Variants in SRD5A2 observed in about 807,000 individuals in gnomAD.
SRD5A2 encodes 3-oxo-5-alpha-steroid 4-dehydrogenase 2.
In SRD5A2, 30 loss-of-function variants were observed where a neutral mutation model predicts 27.4. That is an observed-to-expected ratio of 1.10 (90% CI 0.82 to 1.49). The LOEUF (loss-of-function observed/expected upper bound fraction) is 1.49. Ranked by LOEUF, SRD5A2 falls within the 40% of genes most tolerant of loss-of-function variation. SRD5A2 has a pLI of 0.00. For synonymous variants in SRD5A2, 141 were observed against 133.6 expected, an observed-to-expected ratio of 1.06 and a Z score of -0.38; for missense variants, 348 against 323.4, an observed-to-expected ratio of 1.08 and a Z score of -0.58.
At chr2:31,528,064 A>G (rs1487381276) in intron 4 of SRD5A2, among the ~76,000 whole-genome samples, 1 of 152,184 alleles carries the variant, frequency 6.6e-6, no homozygotes, top group African/African-American at 2.4e-5. Flanking sequence ...CACTTCCAGC[A>G]ATACTTTTAG....
the SRD5A2 span, among the ~76,000 whole-genome samples, chr2:31,641,598 T>C: frequency 6.6e-6 from 1 of 152,136 alleles, no homozygotes; most frequent in Non-Finnish European, 1.5e-5. Flanking sequence ...TACAGAAATA[T>C]ATTTAAAAGG....
At chr2:31,534,786 T>C (rs1463262304) in intron 1 of SRD5A2, among the ~76,000 whole-genome samples, 1 of 152,160 alleles carries the variant, frequency 6.6e-6, no homozygotes, top group Non-Finnish European at 1.5e-5. Context: ...CTTCAAAGTC[T>C]GGGAGGTTTG....
At position 31,524,697 on chromosome 2, in the gene SRD5A2, T is replaced by C; in HGVS notation, c.*1499A>G. 1 of 231,224 alleles carries C rather than the reference T, an allele frequency of 4.3e-6. No individual in the cohort carries two copies. The allele number at this position is 231,224 out of a possible 1,614,324, so 14.3% of individuals were successfully genotyped here. On this transcript the variant is annotated 3_prime_UTR_variant, in exon 5 of 5. Coordinates refer to ENST00000622030, the MANE Select transcript of SRD5A2 (RefSeq NM_000348.4). ...GACCTTTCAAGTTTCCTATGTGACT[T>C]ATATAGTGAGTTTCTGTGCTTAGTA...
the SRD5A2 span, among the ~76,000 whole-genome samples, chr2:31,658,849 T>A: frequency 6.6e-6 from 1 of 152,028 alleles, no homozygotes; most frequent in Non-Finnish European, 1.5e-5. Context: ...GGAGAGGCTC[T>A]TCCTTAACTC....
chr2:31,526,142 T>C lies in SRD5A2; in HGVS notation c.*54A>G. On this transcript the variant is annotated 3_prime_UTR_variant, in exon 5 of 5. Transcript: ENST00000622030. ...TCATGAAAATTACAGTTTCAGCAGCTTGACAGTTTTCATCAGCATTGTGGG... is the reference window on the plus strand; with the variant it reads ...TCATGAAAATTACAGTTTCAGCAGCCTGACAGTTTTCATCAGCATTGTGGG... 4.4e-6 allele frequency: 5 copies of C among 1,139,726 alleles called. No individual in the cohort carries two copies. Among genetic ancestry groups the C allele is most frequent in the Non-Finnish European group, 6.4e-6 (5 of 776,476 alleles). The allele number at this position is 1,139,726 out of a possible 1,614,324, so 70.6% of individuals were successfully genotyped here.
At chr2:31,631,372 G>A in the SRD5A2 span, among the ~76,000 whole-genome samples, 47,055 of 151,906 alleles carry the variant, frequency 0.31, 7,441 homozygotes, top group Middle Eastern at 0.43. Flanking sequence ...GGGTGTTTAC[G>A]CACCCTGGAA....
At chr2:31,577,476 G>C (rs1666983098) in intron 1 of SRD5A2, among the ~76,000 whole-genome samples, 1 of 152,140 alleles carries the variant, frequency 6.6e-6, no homozygotes, top group South Asian at 2.1e-4. Context: ...ATACAATGGG[G>C]ATACAGCCAT....
chr2:31,607,213 G>T, the SRD5A2 span, among the ~76,000 whole-genome samples: 2 of 151,868 alleles, frequency 1.3e-5, no homozygotes, highest in African/African-American at 4.8e-5. Context: ...GGAGAAGAAA[G>T]ACCAATTAAA....
chr2:31,658,447 A>G, the SRD5A2 span, among the ~76,000 whole-genome samples: 3 of 152,070 alleles, frequency 2.0e-5, no homozygotes, highest in Non-Finnish European at 4.4e-5. Flanking sequence ...GAAAGAATAA[A>G]TAATATTGAT....
chr2:31,638,796 A>G, the SRD5A2 span, among the ~76,000 whole-genome samples: 1 of 150,074 alleles, frequency 6.7e-6, no homozygotes, highest in African/African-American at 2.5e-5. Flanking sequence ...CTTTCAGCCT[A>G]TGTGTGTCTT....
the SRD5A2 span, among the ~76,000 whole-genome samples, chr2:31,649,496 C>G: frequency 6.6e-6 from 1 of 152,030 alleles, no homozygotes; most frequent in African/African-American, 2.4e-5. Context: ...AAATTTATGT[C>G]AAATAGTCAA....
At chr2:31,662,384 T>TTA in the SRD5A2 span, among the ~76,000 whole-genome samples, 1 of 152,082 alleles carries the variant, frequency 6.6e-6, no homozygotes, top group African/African-American at 2.4e-5. Flanking sequence ...TAGTGGTGAA[T>TTA]TATAGCTCAC....
chr2:31,610,172 G>T, the SRD5A2 span, among the ~76,000 whole-genome samples: 1 of 152,182 alleles, frequency 6.6e-6, no homozygotes, highest in Non-Finnish European at 1.5e-5. Flanking sequence ...TTTATTTTAT[G>T]TGGTCAGCAT....
chr2:31,600,081 G>A, the SRD5A2 span, among the ~76,000 whole-genome samples: 2 of 151,978 alleles, frequency 1.3e-5, no homozygotes, highest in East Asian at 1.9e-4. Context: ...AGAACATACA[G>A]TATTTGGTTT....
the SRD5A2 span, among the ~76,000 whole-genome samples, chr2:31,630,474 A>C: frequency 6.6e-6 from 1 of 152,176 alleles, no homozygotes; most frequent in African/African-American, 2.4e-5. Flanking sequence ...TAACACTCCA[A>C]TACTACCTTG....
chr2:31,548,462 C>T (rs1666310266), intron 1 of SRD5A2, among the ~76,000 whole-genome samples: 1 of 152,068 alleles, frequency 6.6e-6, no homozygotes, highest in South Asian at 2.1e-4. Flanking sequence ...GCAAATGGCC[C>T]ATAAGAACCT....
At chr2:31,620,969 ATAAAT>A in the SRD5A2 span, among the ~76,000 whole-genome samples, 1 of 147,380 alleles carries the variant, frequency 6.8e-6, no homozygotes, top group African/African-American at 2.5e-5. Flanking sequence ...AATATAATAT[ATAAAT>A]TAAATATATA....
In SRD5A2 at chr2:31,539,171, C is replaced by T. The variant is rs182463359; in HGVS notation, c.282-5405G>A. ...AGAAGATTCTAAAAGTTGGAGAGAA[C>T]AAGGCATATGGGCTAGAAACCTTAG... On this transcript the variant is annotated intron_variant, in intron 1 of 4. Coordinates refer to ENST00000622030, the MANE Select transcript of SRD5A2 (RefSeq NM_000348.4). Among the ~76,000 whole-genome samples, 23 of 152,210 alleles carry T rather than the reference C, an allele frequency of 1.5e-4. No homozygotes were observed. The Middle Eastern group carries it at 0.014, about 90-fold the overall frequency.
chr2:31,534,946 C>T (rs1665995282), intron 1 of SRD5A2, among the ~76,000 whole-genome samples: 1 of 151,934 alleles, frequency 6.6e-6, no homozygotes, highest in African/African-American at 2.4e-5. Context: ...TTTGATGCTT[C>T]CTATGAAGAA....
Sources: allele counts gnomAD v4.1 joint callset (sites outside exome capture counted in the v4.1 genomes callset), GRCh38; gene constraint gnomAD v4.1.1; transcripts MANE v1.5; gene names NCBI Gene and HGNC (gene_info 2026-07-23, HGNC 2026-07-21).